The following STXBP5L variants were observed in gnomAD, a reference collection of about 807,000 sequenced individuals.
The protein encoded by STXBP5L is syntaxin binding protein 5L.
Under a neutral mutation model 144.5 loss-of-function variants are expected in STXBP5L, and 65 were observed. That is an observed-to-expected ratio of 0.45 (90% CI 0.37 to 0.55). The LOEUF (loss-of-function observed/expected upper bound fraction) is 0.55, where lower values mean the gene tolerates loss of function less well. Among genes scored for constraint, STXBP5L ranks in the 20% least tolerant of loss-of-function variants. The pLI is 0.00. For synonymous variants in STXBP5L, 505 were observed against 469.6 expected (o/e 1.08, Z -0.97); for missense variants, 1,298 against 1,405.5 (o/e 0.92, Z 1.22).
At chr3:121,128,132 A>G (rs2107881984) in intron 7 of STXBP5L, among the ~76,000 whole-genome samples, 1 of 152,246 alleles carries the variant, frequency 6.6e-6, no homozygotes, top group Non-Finnish European at 1.5e-5. Flanking sequence ...ATGTGTTTAG[A>G]GTGGTTTTTA....
At chr3:121,368,786 C>T (rs1332836937) in intron 20 of STXBP5L, among the ~76,000 whole-genome samples, 1 of 152,092 alleles carries the variant, frequency 6.6e-6, no homozygotes, top group African/African-American at 2.4e-5. Context: ...TTCTAATTTT[C>T]CCTGTATATG....
At chr3:121,416,617 C>T (rs948669895) in intron 25 of STXBP5L, among the ~76,000 whole-genome samples, 1 of 151,522 alleles carries the variant, frequency 6.6e-6, no homozygotes, top group African/African-American at 2.4e-5. Context: ...AAGCGATTCT[C>T]CTGCCTCAGC....
intron 9 of STXBP5L, among the ~76,000 whole-genome samples, chr3:121,177,657 G>A (rs982231624): frequency 1.3e-5 from 2 of 152,256 alleles, no homozygotes; most frequent in East Asian, 3.9e-4. Context: ...GGAGCAACTG[G>A]AACATTTGTG....
At chr3:120,920,482 T>C (rs1436270389) in intron 2 of STXBP5L, among the ~76,000 whole-genome samples, 2 of 151,880 alleles carry the variant, frequency 1.3e-5, no homozygotes, top group African/African-American at 2.4e-5. Flanking sequence ...TAAATATTTG[T>C]CTTTGCTTTA....
intron 3 of STXBP5L, among the ~76,000 whole-genome samples, chr3:120,998,497 A>T (rs891926949): frequency 6.6e-6 from 1 of 151,970 alleles, no homozygotes; most frequent in Non-Finnish European, 1.5e-5. Flanking sequence ...CCCATCATCT[A>T]CATTAGGTAT....
intron 9 of STXBP5L, among the ~76,000 whole-genome samples, chr3:121,203,383 T>A (rs906737715): frequency 2.0e-5 from 3 of 152,162 alleles, no homozygotes; most frequent in African/African-American, 7.2e-5. Context: ...CTACAGCACT[T>A]TATGCTTATC....
intron 9 of STXBP5L, among the ~76,000 whole-genome samples, chr3:121,170,936 T>C (rs1353303952): frequency 6.6e-6 from 1 of 151,938 alleles, no homozygotes; most frequent in East Asian, 1.9e-4. Flanking sequence ...AATGCAAAAA[T>C]CCTCAATAAA....
At chr3:121,051,598 G>T (rs562006232) in intron 5 of STXBP5L, among the ~76,000 whole-genome samples, 1 of 152,208 alleles carries the variant, frequency 6.6e-6, no homozygotes, top group African/African-American at 2.4e-5. Context: ...TGTGTAGAGG[G>T]AAATTTATAG....
intron 5 of STXBP5L, among the ~76,000 whole-genome samples, chr3:121,087,873 A>G (rs1373986761): frequency 6.6e-6 from 1 of 152,100 alleles, no homozygotes; most frequent in Non-Finnish European, 1.5e-5. Flanking sequence ...TTTATTATAT[A>G]CAAACAACTT....
chr3:121,340,775 A>G (rs2044680676), intron 20 of STXBP5L, among the ~76,000 whole-genome samples: 2 of 152,136 alleles, frequency 1.3e-5, no homozygotes, highest in South Asian at 4.1e-4. Context: ...GACCCAGGTG[A>G]ACCAATAAAA....
At chr3:121,188,714 A>G (rs1433119741) in intron 9 of STXBP5L, among the ~76,000 whole-genome samples, 2 of 152,224 alleles carry the variant, frequency 1.3e-5, no homozygotes, top group Non-Finnish European at 2.9e-5. Flanking sequence ...AAACCACATG[A>G]TTATCTCAAT....
At chr3:121,003,317 C>T (rs1293029842) in intron 3 of STXBP5L, among the ~76,000 whole-genome samples, 1 of 151,430 alleles carries the variant, frequency 6.6e-6, no homozygotes, top group Non-Finnish European at 1.5e-5. Context: ...TGATGATGAG[C>T]ATTTTTTCAT....
At chr3:120,981,302 C>G (rs914434065) in intron 3 of STXBP5L, among the ~76,000 whole-genome samples, 1 of 152,092 alleles carries the variant, frequency 6.6e-6, no homozygotes, top group Non-Finnish European at 1.5e-5. Flanking sequence ...TTTTTTAATA[C>G]TTTTTACATC....
intron 9 of STXBP5L, among the ~76,000 whole-genome samples, chr3:121,199,799 A>T (rs1433305606): frequency 6.6e-6 from 1 of 151,916 alleles, no homozygotes; most frequent in Non-Finnish European, 1.5e-5. Context: ...TGACTTGTGT[A>T]TGTTGAGCTA....
chr3:120,962,718 C>G (rs564388254), intron 3 of STXBP5L, among the ~76,000 whole-genome samples: 1 of 152,170 alleles, frequency 6.6e-6, no homozygotes, highest in Non-Finnish European at 1.5e-5. Context: ...CATGATGGCT[C>G]CAGCTTTGTT....
At chr3:120,980,732 G>T (rs1358020015) in intron 3 of STXBP5L, among the ~76,000 whole-genome samples, 4 of 151,932 alleles carry the variant, frequency 2.6e-5, no homozygotes, top group African/African-American at 7.2e-5. Flanking sequence ...TGAGGTTTTT[G>T]TCCCTGTCAT....
intron 20 of STXBP5L, among the ~76,000 whole-genome samples, chr3:121,373,274 C>T (rs535467280): frequency 6.6e-6 from 1 of 152,316 alleles, no homozygotes; most frequent in South Asian, 2.1e-4. Context: ...GTGAGAGATT[C>T]CTAGCAGTCC....
intron 9 of STXBP5L, among the ~76,000 whole-genome samples, chr3:121,184,222 A>T (rs2047276447): frequency 6.6e-6 from 1 of 151,974 alleles, no homozygotes; most frequent in Non-Finnish European, 1.5e-5. Flanking sequence ...AGTTTGATGA[A>T]CCGACAGAAG....
chr3:121,255,185 A>G (rs1216242093), intron 16 of STXBP5L, 73 bp downstream of exon 16: 1 of 1,174,206 alleles, frequency 8.5e-7, no homozygotes, highest in Non-Finnish European at 1.2e-6. Flanking sequence ...TTTGACTACT[A>G]CTTGGTATGG....
Sources: allele counts gnomAD v4.1 joint callset (sites outside exome capture counted in the v4.1 genomes callset), GRCh38; gene constraint gnomAD v4.1.1; transcripts MANE v1.5; gene names NCBI Gene and HGNC (gene_info 2026-07-23, HGNC 2026-07-21).